The following EPG5 variants were observed in gnomAD, a reference collection of about 807,000 sequenced individuals.
EPG5 encodes the protein ectopic P-granules 5 autophagy tethering factor.
Under a neutral mutation model 302.7 loss-of-function variants are expected in EPG5, and 159 were observed. The observed-to-expected ratio is 0.53, with a 90% CI of 0.46 to 0.60. The LOEUF is 0.60. Ranked by LOEUF, EPG5 falls within the 20% of genes least tolerant of loss-of-function variation. EPG5 has a pLI of 0.00. For missense variants in EPG5, 2,896 were observed against 3,092.4 expected, an observed-to-expected ratio of 0.94 and a Z score of 1.51; for synonymous variants, 1,158 against 1,136.8, an observed-to-expected ratio of 1.02 and a Z score of -0.37.
intron 11 of EPG5, 109 bp downstream of exon 11, chr18:45,934,700 G>T: frequency 8.1e-7 from 1 of 1,232,292 alleles, no homozygotes; most frequent in Non-Finnish European, 1.1e-6. Flanking sequence ...ACATGAGTAT[G>T]TAGAGTAAAA....
intron 10 of EPG5, 128 bp downstream of exon 10, chr18:45,939,472 C>T: frequency 1.1e-6 from 1 of 909,248 alleles, no homozygotes; most frequent in African/African-American, 1.7e-5. Flanking sequence ...AGAATTTGCC[C>T]TCAATAAGAA....
chr18:45,901,100 C>G lies in EPG5; in HGVS notation c.4542G>C (p.Pro1514=). Residue 1514 remains proline (P), a synonymous_variant, in exon 26 of 44, where the codon CCG becomes CCC. Coordinates refer to ENST00000282041, the MANE Select transcript of EPG5 (RefSeq NM_020964.3). The stretch of plus-strand genomic sequence containing the variant: ...AAATAACTGGCACAGGAGGCTTCGT[C>G]GGGTGCAGAGCAAGGGGAGGCTGGG... ...EAPQPPLALH[P]TKPPVPVISS... is the part of the protein sequence containing the mutation. The G allele has an allele frequency of 6.2e-7, 1 of 1,614,132 alleles. No individual in the cohort carries two copies. Among genetic ancestry groups the G allele is most frequent in the Non-Finnish European group, 8.5e-7 (1 of 1,180,038 alleles).
At chr18:45,832,797 G>A in the EPG5 span, among the ~76,000 whole-genome samples, 3 of 152,144 alleles carry the variant, frequency 2.0e-5, no homozygotes, top group South Asian at 4.2e-4. Context: ...CAGGATGCTG[G>A]GGAGCTTGTA....
Position 45,847,978 on chromosome 18 carries a change from T to A in EPG5, c.*4489A>T, listed in dbSNP as rs766032333. ...GCAATTTCATTATCCCAAAAGAGGA[T>A]CAGTAGTATAATTATTTTTTTTTCA... On this transcript the variant is annotated 3_prime_UTR_variant, in exon 44 of 44. Transcript: ENST00000282041. The A allele has an allele frequency of 6.7e-6, 1 of 148,372 alleles. No homozygotes were observed. The highest frequency in any genetic ancestry group is 1.5e-5 in the Non-Finnish European group (1 of 67,894). 9.2% of individuals were successfully genotyped at this position (148,372 alleles called of 1,614,324 possible).
chr18:45,849,974 G>A lies in EPG5; in HGVS notation c.*2493C>T, dbSNP rs532752807. 6.6e-6 allele frequency: 1 copy of A among 152,230 alleles called. No individual in the cohort carries two copies. Among genetic ancestry groups the A allele is most frequent in the Non-Finnish European group, 1.5e-5 (1 of 68,056 alleles). The allele number at this position is 152,230 out of a possible 1,614,324, so 9.4% of individuals were successfully genotyped here. A position where few individuals can be genotyped will look rare whatever the true frequency, so the allele number is the denominator to read the frequency against. ...CACTTGTTCTATTAATAGGCAGTGG[G>A]ACAACATGATTCCGGGATGCAGCCT... On this transcript the variant is annotated 3_prime_UTR_variant, in exon 44 of 44. Coordinates refer to ENST00000282041, the MANE Select transcript of EPG5 (RefSeq NM_020964.3).
In EPG5 at chr18:45,951,166, A is replaced by G; in HGVS notation, c.1325T>C (p.Phe442Ser). ...AGTATCTTCATTAACTCTCCTGGTG[A>G]ACATGAATAAGACACTAATGCATTC... ...LKECISVLFM[F>S]TRRVNEDTQF... Residue 442 changes from phenylalanine (F) to serine (S), a missense_variant, in exon 4 of 44, where the codon TTC (phenylalanine) becomes TCC (serine). Transcript: ENST00000282041. The G allele has an allele frequency of 6.3e-7, 1 of 1,599,406 alleles. No individual in the cohort carries two copies. Among genetic ancestry groups the G allele is most frequent in the Non-Finnish European group, 8.5e-7 (1 of 1,174,086 alleles).
At chr18:45,876,394 GT>G (rs1414421187) in intron 34 of EPG5, 52 bp from the exon 35 acceptor site, 4 of 1,460,256 alleles carry the variant, frequency 2.7e-6, no homozygotes, top group Non-Finnish European at 3.8e-6. Flanking sequence ...TTAAAATACT[GT>G]TAAGTCCCAG....
intron 1 of EPG5, among the ~76,000 whole-genome samples, chr18:45,960,699 A>T (rs888455187): frequency 6.6e-6 from 1 of 152,228 alleles, no homozygotes; most frequent in African/African-American, 2.4e-5. Context: ...CATTACCAAC[A>T]GTTATTTCCA....
At chr18:45,942,090 T>G (rs1376299344) in intron 9 of EPG5, among the ~76,000 whole-genome samples, 2 of 152,062 alleles carry the variant, frequency 1.3e-5, no homozygotes, top group Non-Finnish European at 2.9e-5. Context: ...CTGGGCGTGG[T>G]GGCACACACC....
At position 45,944,138 on chromosome 18, in the gene EPG5, A is replaced by C; in HGVS notation, c.1678-19T>G. The C allele has an allele frequency of 6.7e-7, 1 of 1,490,298 alleles. No individual in the cohort carries two copies. The highest frequency in any genetic ancestry group is 1.1e-5 in the South Asian group (1 of 88,504). The allele number at this position is 1,490,298 out of a possible 1,614,324, so 92.3% of individuals were successfully genotyped here. The stretch of plus-strand genomic sequence containing the variant: ...CTTCATCCTAAGGGAAAAGACAAAA[A>C]ATCATGTCAGCAGATTTGATCAGAT... On this transcript the variant is annotated intron_variant, in intron 7 of 43. Coordinates refer to ENST00000282041, the MANE Select transcript of EPG5 (RefSeq NM_020964.3).
At chr18:45,837,069 G>C in the EPG5 span, 2 of 1,601,300 alleles carry the variant, frequency 1.2e-6, no homozygotes, top group Non-Finnish European at 1.7e-6. Flanking sequence ...CGGAGAACTT[G>C]CTCAACACAG....
intron 3 of EPG5, among the ~76,000 whole-genome samples, chr18:45,951,910 T>C (rs2143736361): frequency 6.6e-6 from 1 of 152,306 alleles, no homozygotes; most frequent in East Asian, 1.9e-4. Flanking sequence ...ACAAGCATAC[T>C]TAATATTCAT....
chr18:45,837,019 T>G, the EPG5 span: 2 of 1,339,184 alleles, frequency 1.5e-6, no homozygotes, highest in East Asian at 2.3e-5. Flanking sequence ...TTAACTGTGT[T>G]TATCTGTAGG....
chr18:45,818,987 G>C, the EPG5 span, among the ~76,000 whole-genome samples: 2 of 152,070 alleles, frequency 1.3e-5, no homozygotes, highest in African/African-American at 4.8e-5. Flanking sequence ...ACCCGCCTTG[G>C]CATCCCAAAG....
chr18:45,811,030 C>G, the EPG5 span, among the ~76,000 whole-genome samples: 29 of 152,024 alleles, frequency 1.9e-4, no homozygotes, highest in Non-Finnish European at 4.3e-4. Flanking sequence ...TAATAAAGGC[C>G]ATCTATGACA....
chr18:45,842,476 T>A, the EPG5 span: 1 of 373,306 alleles, frequency 2.7e-6, no homozygotes, highest in Non-Finnish European at 4.9e-6. Flanking sequence ...CGCATTAGCT[T>A]GAGCGTGAAA....
At chr18:45,834,706 C>T in the EPG5 span, among the ~76,000 whole-genome samples, 3 of 152,206 alleles carry the variant, frequency 2.0e-5, no homozygotes, top group Non-Finnish European at 2.9e-5. Context: ...CACCACAGCT[C>T]GTACCCCAGT....
the EPG5 span, chr18:45,825,830 T>C: frequency 2.5e-6 from 4 of 1,605,248 alleles, no homozygotes; most frequent in African/African-American, 5.4e-5. Flanking sequence ...GAATAGATGC[T>C]GAAAGCATCT....
the EPG5 span, chr18:45,825,796 T>C: frequency 1.2e-6 from 2 of 1,614,088 alleles, no homozygotes; most frequent in Non-Finnish European, 1.7e-6. Flanking sequence ...TGTCTGCTAC[T>C]CTCTCTGGCC....
Sources: gnomAD v4.1 joint callset for allele counts (sites outside exome capture counted in the v4.1 genomes callset) on GRCh38, gnomAD v4.1.1 for gene constraint, MANE v1.5 for transcripts, NCBI Gene and HGNC (gene_info 2026-07-23, HGNC 2026-07-21) for gene names.